The following COL9A3 variants were observed in gnomAD, a reference collection of about 807,000 sequenced individuals.
The protein encoded by COL9A3 is collagen type IX alpha 3 chain.
A neutral mutation model predicts 110.2 loss-of-function variants in COL9A3; 82 were observed. The ratio of observed to expected loss-of-function variants is 0.74; its 90% CI spans 0.62 to 0.89. The LOEUF (loss-of-function observed/expected upper bound fraction) is 0.89, where lower values mean the gene tolerates loss of function less well. Among genes scored for constraint, COL9A3 ranks in the 40% least tolerant of loss-of-function variants. COL9A3 has a pLI of 0.00. For missense variants in COL9A3, 1,066 were observed against 981.3 expected (o/e 1.09, Z -1.15); for synonymous variants, 494 against 403.8 (o/e 1.22, Z -2.68).
intron 13 of COL9A3, 76 bp downstream of exon 13, chr20:62,825,946 C>A: frequency 6.8e-7 from 1 of 1,468,114 alleles, no homozygotes; most frequent in Non-Finnish European, 9.3e-7. Flanking sequence ...ACATATCTAC[C>A]CCCGAGGGGG....
At chr20:62,828,050 G>A in intron 17 of COL9A3, 74 bp downstream of exon 17, 2 of 1,507,738 alleles carry the variant, frequency 1.3e-6, no homozygotes, top group Non-Finnish European at 1.8e-6. Context: ...ATGGCATTCA[G>A]AAGGGCTGGA....
At chr20:62,833,513 C>A (rs2063612337) in intron 26 of COL9A3, among the ~76,000 whole-genome samples, 1 of 151,568 alleles carries the variant, frequency 6.6e-6, no homozygotes, top group Non-Finnish European at 1.5e-5. Context: ...ACGCCATTCT[C>A]CTGCCTCAGC....
rs2063538676 is a variant in COL9A3 at position 62,824,973 on chromosome 20, C to T, written c.582C>T (p.Pro194=). Residue 194 remains proline, a synonymous_variant, in exon 12 of 32, where the codon CCC becomes CCT. Transcript: ENST00000649368. ...GPPGMPGFKG[P]TGYKGEQGEV... ...GACCCCACATTTGCTTGCAGGGACC[C>T]ACTGGCTACAAAGGCGAGCAGGGGG... The T allele has an allele frequency of 6.2e-7, 1 of 1,609,972 alleles. No homozygotes were observed. The highest frequency in any genetic ancestry group is 8.5e-7 in the Non-Finnish European group (1 of 1,179,244).
rs892241379 is a variant in COL9A3, at chr20:62,829,160, A to ATGTTTGCATGTG, written c.1008+188_1008+199dup. Reference sequence around the variant, plus strand: ...GTGGGTGCTGTGGACGGTTGCCTGTATGTTTGCATGTGTGTGCTTATTCGT... The same window carrying ATGTTTGCATGTG: ...GTGGGTGCTGTGGACGGTTGCCTGTATGTTTGCATGTGTGTTTGCATGTGTGTGCTTATTCGT... On this transcript the variant is annotated intron_variant, in intron 19 of 31. Transcript: ENST00000649368. Among the ~76,000 whole-genome samples the ATGTTTGCATGTG allele has an allele frequency of 3.9e-5, 6 of 152,226 alleles. No homozygotes were observed. The East Asian group carries it at 9.7e-4, about 25-fold the overall frequency.
intron 15 of COL9A3, 53 bp from the exon 16 acceptor site, chr20:62,827,188 C>T: frequency 6.3e-7 from 1 of 1,599,726 alleles, no homozygotes; most frequent in Non-Finnish European, 8.6e-7. Flanking sequence ...GTCCTACTCT[C>T]CGACCAACTC....
In COL9A3 at chr20:62,817,086, G is replaced by T. The variant is rs1226702696; in HGVS notation, c.22G>T (p.Ala8Ser). Residue 8 changes from alanine (A) to serine (S), a missense_variant, in exon 1 of 32, where the codon GCC (alanine) becomes TCC (serine). Coordinates refer to ENST00000649368, the MANE Select transcript of COL9A3 (RefSeq NM_001853.4). MAGPRAC[A>S]PLLLLLLLGE... ...AGCCATGGCCGGGCCGCGCGCGTGC[G>T]CCCCGCTCCTGCTCCTGCTCCTGCT... The T allele has an allele frequency of 1.4e-6, 2 of 1,392,340 alleles. No individual in the cohort carries two copies. The highest frequency in any genetic ancestry group is 1.9e-6 in the Non-Finnish European group (2 of 1,067,480). 86.2% of individuals were successfully genotyped at this position (1,392,340 alleles called of 1,614,324 possible). A position where few individuals can be genotyped will look rare whatever the true frequency, so the allele number is the denominator to read the frequency against.
chr20:62,824,360 C>G (rs2063534218), intron 10 of COL9A3, 85 bp from the exon 11 acceptor site: 1 of 1,437,188 alleles, frequency 7.0e-7, no homozygotes, highest in South Asian at 1.2e-5. Context: ...GAGTGGCCTC[C>G]TGGGGTCCCG....
At chr20:62,819,782 C>T (rs1022595920) in intron 4 of COL9A3, 147 bp from the exon 5 acceptor site, 12 of 873,642 alleles carry the variant, frequency 1.4e-5, no homozygotes, top group Non-Finnish European at 2.1e-5. Context: ...AGACAGTGGA[C>T]AGGGCCAAGA....
At position 62,829,591 on chromosome 20, in the gene COL9A3, G is replaced by A. The variant is rs375643445; in HGVS notation, c.1054-37G>A. The A allele has an allele frequency of 2.5e-6, 4 of 1,610,534 alleles. No individual in the cohort carries two copies. In the African/African-American group the frequency reaches 5.3e-5, roughly 21 times the overall value. On this transcript the variant is annotated intron_variant, in intron 20 of 31. Transcript: ENST00000649368. ...GGCCAGCGACCTGGCCCCAGTGCAG[G>A]TGTAGGCAGGCACTCACAGCTCTCC... is the stretch of plus-strand genomic sequence containing the variant.
At chr20:62,826,310 G>T (rs1446998166) in intron 14 of COL9A3, 53 bp downstream of exon 14, 19 of 1,492,472 alleles carry the variant, frequency 1.3e-5, no homozygotes, top group Non-Finnish European at 1.5e-5. Context: ...GGGCCTGGTT[G>T]TCTGCACCTC....
chr20:62,840,901 G>A lies in COL9A3; in HGVS notation c.*169G>A, dbSNP rs1402828875. ...TGCCAGCGAGCACCCTCATCGGGCT[G>A]TCGCCTGACAGCATACCTCAAAAGG... On this transcript the variant is annotated 3_prime_UTR_variant, in exon 32 of 32. Transcript: ENST00000649368. 29 of 686,656 alleles carry A rather than the reference G, an allele frequency of 4.2e-5. No homozygotes were observed. The highest frequency in any genetic ancestry group is 4.0e-4 in the African/African-American group (22 of 55,454). 42.5% of individuals were successfully genotyped at this position (686,656 alleles called of 1,614,324 possible).
chr20:62,832,225 G>A (rs769068469), intron 25 of COL9A3, 36 bp downstream of exon 25: 7 of 1,608,190 alleles, frequency 4.4e-6, no homozygotes, highest in Non-Finnish European at 6.0e-6. Context: ...AAGGAATGAA[G>A]GCAAAGCTGC....
At chr20:62,829,843 G>C in intron 22 of COL9A3, 24 bp downstream of exon 22, 1 of 1,549,394 alleles carries the variant, frequency 6.5e-7, no homozygotes, top group African/African-American at 1.4e-5. Flanking sequence ...CATGGCCCGG[G>C]GTCGGGGGTT....
chr20:62,838,623 C>T (rs531618761), intron 30 of COL9A3, 61 bp from the exon 31 acceptor site: 53 of 1,424,156 alleles, frequency 3.7e-5, no homozygotes, highest in South Asian at 8.6e-5. Flanking sequence ...GATCAGACAC[C>T]GCTGTGGTGT....
At position 62,821,195 on chromosome 20, in the gene COL9A3, C is replaced by T; in HGVS notation, c.324C>T (p.Pro108=). 6.2e-7 allele frequency: 1 copy of T among 1,613,186 alleles called. No individual in the cohort carries two copies. The highest frequency in any genetic ancestry group is 8.5e-7 in the Non-Finnish European group (1 of 1,179,804). The change falls in exon 6 of 32, where the codon CCC becomes CCT. Residue 108 remains proline, a synonymous_variant. Transcript: ENST00000649368. Reference sequence around the variant, plus strand: ...TCCTCCCACAGGGAAGTCTGGGACCCCCGGGGCCGCCCGGGCTGGGGGTGA... The same window carrying T: ...TCCTCCCACAGGGAAGTCTGGGACCTCCGGGGCCGCCCGGGCTGGGGGTGA... ...GAPGERGSLG[P]PGPPGLGGKG...
intron 6 of COL9A3, 140 bp from the exon 7 acceptor site, chr20:62,821,366 TG>T: frequency 7.4e-7 from 1 of 1,352,456 alleles, no homozygotes; most frequent in Non-Finnish European, 1.0e-6. Context: ...GATGGGGTCC[TG>T]GTGCCCTCTC....
At chr20:62,827,114 C>T in intron 15 of COL9A3, 127 bp from the exon 16 acceptor site, 1 of 957,494 alleles carries the variant, frequency 1.0e-6, no homozygotes, top group South Asian at 1.3e-5. Context: ...CCTGGAGGGG[C>T]CCCCATCCCA....
chr20:62,839,825 G>A (rs1171017418), intron 31 of COL9A3, among the ~76,000 whole-genome samples: 2 of 143,108 alleles, frequency 1.4e-5, no homozygotes, highest in Non-Finnish European at 3.1e-5. Context: ...CACGCACGCT[G>A]CTCTCTGGGT....
At chr20:62,829,711 C>T (rs757967869) in intron 21 of COL9A3, 30 bp downstream of exon 21, 4 of 1,601,068 alleles carry the variant, frequency 2.5e-6, no homozygotes, top group South Asian at 2.3e-5. Context: ...CAGACCCCTC[C>T]CCATCCAGCC....
Sources: allele counts gnomAD v4.1 joint callset (sites outside exome capture counted in the v4.1 genomes callset), GRCh38; gene constraint gnomAD v4.1.1; transcripts MANE v1.5; gene names NCBI Gene and HGNC (gene_info 2026-07-23, HGNC 2026-07-21).